Variants in MYH7B observed in about 807,000 individuals in gnomAD.
The protein encoded by MYH7B is myosin heavy chain 7B, also known as myosin-7B.
MYH7B carries 205 observed loss-of-function variants against 234.5 expected under a neutral mutation model. That is an observed-to-expected ratio of 0.87 (90% CI 0.78 to 0.98). MYH7B has a LOEUF of 0.98. Ranked by LOEUF, MYH7B falls within the 50% of genes least tolerant of loss-of-function variation. The pLI, the probability that MYH7B is intolerant of heterozygous loss-of-function variation, is 0.00. For synonymous variants in MYH7B, 1,193 were observed against 1,105.0 expected (o/e 1.08, Z -1.58); for missense variants, 2,652 against 2,633.4 (o/e 1.01, Z -0.15).
chr20:34,992,572 T>C (rs2082175937), intron 24 of MYH7B, among the ~76,000 whole-genome samples: 1 of 146,556 alleles, frequency 6.8e-6, no homozygotes, highest in Non-Finnish European at 1.5e-5. Flanking sequence ...TTTTTTTTTT[T>C]TTTTTTGAGA....
At chr20:34,995,824 T>C (rs1298509812) in intron 28 of MYH7B, among the ~76,000 whole-genome samples, 2 of 152,258 alleles carry the variant, frequency 1.3e-5, no homozygotes, top group Admixed American at 6.5e-5. Context: ...TTGCACACGG[T>C]AGGTGTTTAG....
intron 4 of MYH7B, 100 bp from the exon 5 acceptor site, chr20:34,977,834 G>T: frequency 6.5e-7 from 1 of 1,527,878 alleles, no homozygotes; most frequent in Non-Finnish European, 9.0e-7. Flanking sequence ...ACTCACCCAA[G>T]GAGGCTGCAT....
chr20:34,998,826 G>A, exon 35 of MYH7B: 1 of 1,613,244 alleles, frequency 6.2e-7, no homozygotes, highest in Non-Finnish European at 8.5e-7. Context: ...TGCAGCGGCT[G>A]CTGTCCAAGG....
At chr20:34,958,946 T>C (rs976381588) in intron 2 of MYH7B, among the ~76,000 whole-genome samples, 2 of 152,174 alleles carry the variant, frequency 1.3e-5, no homozygotes, top group Admixed American at 6.5e-5. Flanking sequence ...TGCTAACTGA[T>C]GGAAATAGTT....
chr20:34,975,816 C>T (rs1228172841), intron 3 of MYH7B, among the ~76,000 whole-genome samples: 3 of 152,062 alleles, frequency 2.0e-5, no homozygotes, highest in Non-Finnish European at 2.9e-5. Flanking sequence ...CCCGGGTTCA[C>T]GCCATTCTCC....
intron 32 of MYH7B, 133 bp downstream of exon 32, chr20:34,997,773 A>G: frequency 8.9e-7 from 1 of 1,120,554 alleles, no homozygotes; most frequent in Non-Finnish European, 1.2e-6. Context: ...CTGGTACACA[A>G]CCCTCATTTC....
At chr20:34,961,173 C>G (rs2081694168) in intron 2 of MYH7B, among the ~76,000 whole-genome samples, 2 of 152,162 alleles carry the variant, frequency 1.3e-5, no homozygotes, top group Non-Finnish European at 2.9e-5. Flanking sequence ...ACCCTCTTCT[C>G]CACTTGTTAT....
intron 30 of MYH7B, 119 bp downstream of exon 30, chr20:34,996,877 G>A: frequency 1.1e-5 from 15 of 1,417,264 alleles, no homozygotes; most frequent in Middle Eastern, 2.1e-4. Flanking sequence ...TTGACAGATG[G>A]GGCACTGGGG....
chr20:35,000,973 C>G lies in MYH7B; in HGVS notation c.5305-15C>G. Reference sequence around the variant, plus strand: ...CCTGAGGCTGGGCACCTGACCAGCTCCTCCTCCCCAACAGGCGGCCATGAT... The same window carrying G: ...CCTGAGGCTGGGCACCTGACCAGCTGCTCCTCCCCAACAGGCGGCCATGAT... On this transcript the variant is annotated splice_polypyrimidine_tract_variant and intron_variant, in intron 40 of 44. Coordinates refer to ENST00000262873, the Ensembl canonical transcript of MYH7B. 1 of 1,613,568 alleles carries G rather than the reference C, an allele frequency of 6.2e-7. No homozygotes were observed. The highest frequency in any genetic ancestry group is 8.5e-7 in the Non-Finnish European group (1 of 1,179,804).
At chr20:34,992,307 AC>A (rs2082168247) in intron 24 of MYH7B, among the ~76,000 whole-genome samples, 1 of 148,448 alleles carries the variant, frequency 6.7e-6, no homozygotes, top group African/African-American at 2.5e-5. Flanking sequence ...AATGGCCTGA[AC>A]CCGGGAGGCA....
chr20:34,999,195 T>G (rs759905569), exon 36 of MYH7B: 3 of 1,612,684 alleles, frequency 1.9e-6, no homozygotes, highest in Non-Finnish European at 2.5e-6. Context: ...GCGGGCGACC[T>G]CAGCAGCTGC....
chr20:34,974,791 T>C (rs1176496000), intron 2 of MYH7B, among the ~76,000 whole-genome samples: 1 of 152,230 alleles, frequency 6.6e-6, no homozygotes, highest in Non-Finnish European at 1.5e-5. Flanking sequence ...CTATTATCTA[T>C]CAGGTTTGGT....
chr20:34,978,049 G>A lies in MYH7B; in HGVS notation c.44G>A (p.Arg15His), dbSNP rs762254041. ...CTTGGGGAGTCTGCCCGCTACCTCC[G>A]CCAGGGCTACCAGGAGATGACGAAG... The change falls in exon 5 of 45, where the codon CGC becomes CAC. Residue 15 changes from arginine to histidine, a missense_variant. Arg to His is a conservative substitution (Grantham distance 29). This residue lies in a region of MYH7B where 366 missense variants were observed against 401.2 expected (regional missense o/e 0.91). Coordinates refer to ENST00000262873, the Ensembl canonical transcript of MYH7B. 36 of 1,613,932 alleles carry A rather than the reference G, an allele frequency of 2.2e-5. No homozygotes were observed. The highest frequency in any genetic ancestry group is 1.1e-4 in the African/African-American group (8 of 74,876).
chr20:34,957,224 C>G (rs187320468), intron 1 of MYH7B, among the ~76,000 whole-genome samples: 59 of 152,280 alleles, frequency 3.9e-4, no homozygotes, highest in African/African-American at 1.3e-3. Context: ...CACTGAGCAA[C>G]AGGAGCTAAG....
intron 10 of MYH7B, 114 bp downstream of exon 10, chr20:34,982,669 GAGCCC>G: frequency 1.1e-6 from 1 of 921,930 alleles, no homozygotes; most frequent in South Asian, 1.8e-5. Flanking sequence ...CCAGAACCCT[GAGCCC>G]TGCCTGAGCC....
At chr20:34,984,628 G>GCCCCCCCCCC in intron 10 of MYH7B, 64 bp from the exon 11 acceptor site, 1 of 1,381,972 alleles carries the variant, frequency 7.2e-7, no homozygotes, top group Non-Finnish European at 1.0e-6. Flanking sequence ...CTGATACCCT[G>GCCCCCCCCCC]CCCCACCCCG....
intron 10 of MYH7B, among the ~76,000 whole-genome samples, chr20:34,984,443 G>A (rs552499519): frequency 1.3e-5 from 2 of 152,258 alleles, no homozygotes; most frequent in South Asian, 2.1e-4. Context: ...GCCAGAGGCC[G>A]GGCTGGGGCA....
chr20:34,976,340 G>A (rs541221277), intron 3 of MYH7B, among the ~76,000 whole-genome samples: 1 of 152,332 alleles, frequency 6.6e-6, no homozygotes, highest in South Asian at 2.1e-4. Context: ...TCGGTCGGAG[G>A]ACTTCCCGTG....
chr20:34,959,541 G>A (rs937596296), intron 2 of MYH7B, among the ~76,000 whole-genome samples: 2 of 149,468 alleles, frequency 1.3e-5, no homozygotes, highest in Non-Finnish European at 3.0e-5. Context: ...GCAGTGGCAC[G>A]ATCTTGGCTC....
Sources: allele counts gnomAD v4.1 joint callset (sites outside exome capture counted in the v4.1 genomes callset), GRCh38; gene constraint gnomAD v4.1.1; regional missense constraint gnomAD v4.1.1; transcripts MANE v1.5; gene names NCBI Gene and HGNC (gene_info 2026-07-23, HGNC 2026-07-21).